EML6: variants seen among roughly 807,000 people sequenced by gnomAD.
EML6 encodes echinoderm microtubule-associated protein-like 6.
A neutral mutation model predicts 240.1 loss-of-function variants in EML6; 154 were observed. That is an observed-to-expected ratio of 0.64 (90% CI 0.56 to 0.73). EML6 has a LOEUF of 0.73. EML6 is among the 30% of genes least tolerant of loss of function. The pLI is 0.00. For missense variants in EML6, 2,964 were observed against 2,474.6 expected (o/e 1.20, Z -4.20); for synonymous variants, 1,148 against 899.0 (o/e 1.28, Z -4.95).
chr2:54,825,028 C>G (rs1668519985), intron 5 of EML6, among the ~76,000 whole-genome samples: 1 of 152,166 alleles, frequency 6.6e-6, no homozygotes, highest in African/African-American at 2.4e-5. Context: ...GGAATGTTTT[C>G]ATGTGGGCCT....
chr2:54,816,903 C>T lies in EML6; in HGVS notation c.456+18C>T. 1 of 1,511,198 alleles carries T rather than the reference C, an allele frequency of 6.6e-7. No individual in the cohort carries two copies. The highest frequency in any genetic ancestry group is 2.5e-5 in the East Asian group (1 of 40,744). 93.6% of individuals were successfully genotyped at this position (1,511,198 alleles called of 1,614,324 possible). Reference sequence around the variant, plus strand: ...CTGACAGGGTAAGAACTTGTTGGATCAAGCTATGCAGATTTCAGAACTTGG... The same window carrying T: ...CTGACAGGGTAAGAACTTGTTGGATTAAGCTATGCAGATTTCAGAACTTGG... On this transcript the variant is annotated intron_variant, in intron 4 of 41. Transcript: ENST00000356458.
chr2:54,807,037 C>G (rs1456533972), intron 2 of EML6, among the ~76,000 whole-genome samples: 1 of 152,152 alleles, frequency 6.6e-6, no homozygotes, highest in Non-Finnish European at 1.5e-5. Flanking sequence ...TAATGCACAA[C>G]TTACAAATAA....
At chr2:54,892,711 GTAGT>G in intron 19 of EML6, 55 bp downstream of exon 19, 2 of 1,412,562 alleles carry the variant, frequency 1.4e-6, no homozygotes, top group Non-Finnish European at 1.9e-6. Flanking sequence ...AAATTATAAG[GTAGT>G]CTTAGGATGG....
chr2:54,723,922 G>A (rs1278032750), intron 1 of EML6, 145 bp downstream of exon 1: 3 of 152,580 alleles, frequency 2.0e-5, no homozygotes, highest in Admixed American at 6.5e-5. Context: ...CGACCCCCGG[G>A]ACGTGTGCGT....
chr2:54,877,923 C>T (rs1671596600), intron 16 of EML6, among the ~76,000 whole-genome samples: 1 of 152,130 alleles, frequency 6.6e-6, no homozygotes, highest in East Asian at 1.9e-4. Context: ...CTACCATTTC[C>T]AGTTGGTTGG....
intron 9 of EML6, among the ~76,000 whole-genome samples, 187 bp from the exon 10 acceptor site, chr2:54,849,775 A>G (rs1180851472): frequency 6.6e-6 from 1 of 152,254 alleles, no homozygotes; most frequent in African/African-American, 2.4e-5. Context: ...GGCGTAAGCC[A>G]CCGCGCCCGG....
At chr2:54,926,539 C>G (rs940448919) in intron 26 of EML6, among the ~76,000 whole-genome samples, 2 of 152,246 alleles carry the variant, frequency 1.3e-5, no homozygotes. Context: ...ATCCCAATGG[C>G]TGTGCCAGGT....
chr2:54,941,624 C>T (rs556198752), intron 28 of EML6, among the ~76,000 whole-genome samples: 94 of 152,346 alleles, frequency 6.2e-4, no homozygotes, highest in Non-Finnish European at 1.2e-3. Context: ...TGGGGAGGAA[C>T]TTCTAGTTCT....
At chr2:54,939,506 C>G (rs1246191709) in intron 28 of EML6, among the ~76,000 whole-genome samples, 3 of 152,222 alleles carry the variant, frequency 2.0e-5, no homozygotes, top group Non-Finnish European at 4.4e-5. Flanking sequence ...GACGAGGACT[C>G]ATTTCCAAGT....
rs377361462 is a variant in EML6, at chr2:54,813,247, A to G, written c.213A>G (p.Pro71=). The change falls in exon 3 of 42, where the codon CCA becomes CCG. Residue 71 remains proline (P), a synonymous_variant. Coordinates refer to ENST00000356458, the MANE Select transcript of EML6 (RefSeq NM_001039753.4). The part of the protein sequence containing the change: ...NDDIISLALH[P]DKTLVATGQV... ...TCTCTTTCAGCCTTGCCTTACACCC[A>G]GACAAAACTCTCGTTGCAACTGGCC... 3.9e-6 allele frequency: 6 copies of G among 1,550,178 alleles called. No individual in the cohort carries two copies. In the African/African-American group the frequency reaches 8.2e-5, roughly 21 times the overall value.
chr2:54,884,203 ATACT>A (rs1671995580), intron 17 of EML6, among the ~76,000 whole-genome samples: 1 of 149,776 alleles, frequency 6.7e-6, no homozygotes, highest in African/African-American at 2.5e-5. Context: ...GAACTCGGAC[ATACT>A]TACTTCATTT....
chr2:54,849,067 T>A (rs1392642688), intron 9 of EML6, among the ~76,000 whole-genome samples: 1 of 152,144 alleles, frequency 6.6e-6, no homozygotes, highest in Non-Finnish European at 1.5e-5. Flanking sequence ...CCCCAACTTT[T>A]GAAACAAAAA....
At chr2:54,940,975 G>C (rs1675399423) in intron 28 of EML6, among the ~76,000 whole-genome samples, 1 of 152,210 alleles carries the variant, frequency 6.6e-6, no homozygotes, top group Non-Finnish European at 1.5e-5. Context: ...ATGCTCATAA[G>C]TGACTACGAG....
At chr2:54,958,054 A>G in intron 33 of EML6, 56 bp downstream of exon 33, 1 of 1,436,848 alleles carries the variant, frequency 7.0e-7, no homozygotes, top group East Asian at 2.5e-5. Flanking sequence ...GGGCATGGGC[A>G]TGGGCATGGG....
At chr2:54,841,800 C>T (rs1473930791) in intron 7 of EML6, among the ~76,000 whole-genome samples, 1 of 150,758 alleles carries the variant, frequency 6.6e-6, no homozygotes, top group Non-Finnish European at 1.5e-5. Context: ...ACCATGTTGG[C>T]CAAGCTGGTC....
chr2:54,731,094 A>G (rs556648011), intron 2 of EML6, among the ~76,000 whole-genome samples: 134 of 152,338 alleles, frequency 8.8e-4, no homozygotes, highest in African/African-American at 3.0e-3. Context: ...AAGGGTGTGA[A>G]GGGGAAGACA....
chr2:54,796,360 C>G (rs544176908), intron 2 of EML6, among the ~76,000 whole-genome samples: 1 of 152,110 alleles, frequency 6.6e-6, no homozygotes, highest in African/African-American at 2.4e-5. Flanking sequence ...GCTAAATGAC[C>G]TATTTCTTCA....
chr2:54,885,804 G>A (rs923974368), intron 17 of EML6, among the ~76,000 whole-genome samples: 1 of 151,872 alleles, frequency 6.6e-6, no homozygotes, highest in Non-Finnish European at 1.5e-5. Flanking sequence ...GTAGAGATGG[G>A]GTTTCACCGT....
chr2:54,725,177 T>C lies in EML6; in HGVS notation c.116T>C (p.Phe39Ser). 1 of 1,529,932 alleles carries C rather than the reference T, an allele frequency of 6.5e-7. No homozygotes were observed. Among genetic ancestry groups the C allele is most frequent in the South Asian group, 1.2e-5 (1 of 82,672 alleles). 94.8% of individuals were successfully genotyped at this position (1,529,932 alleles called of 1,614,324 possible). The change falls in exon 2 of 42, where the codon TTT (phenylalanine) becomes TCT (serine). Residue 39 changes from phenylalanine (F) to serine (S), a missense_variant. Transcript: ENST00000356458. The surrounding 1 kb of genome is among the most constrained non-coding windows in gnomAD (Gnocchi z 4.3). ...YYTAGKEVVY[F>S]VAGVGVVYNT... ...ACGGCAGGCAAGGAGGTGGTCTACTTTGTGGCTGGGGTCGGGGTGGTTTAC... is the reference window on the plus strand; with the variant it reads ...ACGGCAGGCAAGGAGGTGGTCTACTCTGTGGCTGGGGTCGGGGTGGTTTAC...
Sources: gnomAD v4.1 joint callset for allele counts (sites outside exome capture counted in the v4.1 genomes callset) on GRCh38, gnomAD v4.1.1 for gene constraint, Gnocchi (gnomAD v3.1) non-coding constraint, MANE v1.5 for transcripts, NCBI Gene and HGNC (gene_info 2026-07-23, HGNC 2026-07-21) for gene names.